Variants in ACO2 observed in about 807,000 individuals in gnomAD.
ACO2 encodes the protein aconitase 2.
In ACO2, 31 loss-of-function variants were observed where a neutral mutation model predicts 84.5. That is an observed-to-expected ratio of 0.37 (90% confidence interval 0.28 to 0.50). The LOEUF (loss-of-function observed/expected upper bound fraction) is 0.50. Among genes scored for constraint, ACO2 ranks in the 20% least tolerant of loss-of-function variants. ACO2 has a pLI of 0.97. For synonymous variants in ACO2, 414 were observed against 412.7 expected (o/e 1.00, Z -0.04); for missense variants, 685 against 1,029.3 (o/e 0.67, Z 4.58).
rs749152984 is a variant in ACO2 at position 41,516,960 on chromosome 22, C to A, written c.836-567C>A. On this transcript the variant is annotated intron_variant, in intron 6 of 17. Transcript: ENST00000216254. The stretch of plus-strand genomic sequence containing the variant: ...GGCCAGGCTGGTCTCAAACTCCTGA[C>A]CTCAGGTGATCCACCCACCTCGGCC... Among the ~76,000 whole-genome samples the A allele has an allele frequency of 1.8e-4, 27 of 152,018 alleles. No individual in the cohort carries two copies. In the Middle Eastern group the frequency reaches 0.024, roughly 134 times the overall value.
At chr22:41,506,464 A>G (rs1299281626) in intron 2 of ACO2, among the ~76,000 whole-genome samples, 1 of 152,122 alleles carries the variant, frequency 6.6e-6, no homozygotes, top group African/African-American at 2.4e-5. Context: ...CATGTTAGCC[A>G]GGATGGTCTC....
At chr22:41,474,691 C>T (rs1312281477) in intron 1 of ACO2, among the ~76,000 whole-genome samples, 8 of 138,644 alleles carry the variant, frequency 5.8e-5, no homozygotes, top group South Asian at 2.3e-4. Flanking sequence ...CTCCGCCTCC[C>T]AGGTTCACGC....
At chr22:41,500,029 T>C (rs761699457) in intron 2 of ACO2, among the ~76,000 whole-genome samples, 167 bp downstream of exon 2, 2 of 152,130 alleles carry the variant, frequency 1.3e-5, no homozygotes, top group African/African-American at 4.8e-5. Context: ...AGATCAGTGG[T>C]GTAACTTCTG....
chr22:41,503,227 G>T (rs1229948618), intron 2 of ACO2, among the ~76,000 whole-genome samples: 2 of 150,994 alleles, frequency 1.3e-5, no homozygotes, highest in African/African-American at 4.9e-5. Context: ...TTCCAACCTT[G>T]CTTTGCAACC....
At chr22:41,507,129 G>T (rs2066399400) in intron 2 of ACO2, among the ~76,000 whole-genome samples, 1 of 152,138 alleles carries the variant, frequency 6.6e-6, no homozygotes, top group Non-Finnish European at 1.5e-5. Context: ...GAGGAGCTGT[G>T]AGAGGCCAGT....
At chr22:41,504,606 G>T (rs1320795954) in intron 2 of ACO2, among the ~76,000 whole-genome samples, 1 of 151,478 alleles carries the variant, frequency 6.6e-6, no homozygotes, top group East Asian at 1.9e-4. Context: ...CGGTGCTGCC[G>T]CAATCGGCGC....
intron 3 of ACO2, among the ~76,000 whole-genome samples, chr22:41,510,753 G>T (rs2066427560): frequency 6.6e-6 from 1 of 152,204 alleles, no homozygotes; most frequent in Admixed American, 6.5e-5. Context: ...CTGCTGTGCA[G>T]TGGGCCCTTC....
At chr22:41,514,236 G>T (rs1204417165) in intron 4 of ACO2, among the ~76,000 whole-genome samples, 1 of 152,174 alleles carries the variant, frequency 6.6e-6, no homozygotes, top group Non-Finnish European at 1.5e-5. Context: ...CACAGAGCCT[G>T]TCACACCTCT....
intron 3 of ACO2, among the ~76,000 whole-genome samples, chr22:41,509,833 T>G (rs1363731974): frequency 6.7e-6 from 1 of 149,258 alleles, no homozygotes; most frequent in Non-Finnish European, 1.5e-5. Flanking sequence ...TTTTTTTTTT[T>G]TTGAGACAGA....
intron 6 of ACO2, chr22:41,516,225 A>C (rs1391833420): frequency 3.4e-6 from 2 of 593,222 alleles, no homozygotes; most frequent in Non-Finnish European, 6.0e-6. Flanking sequence ...GCACTAGGCC[A>C]CCTTGGGTGA....
At chr22:41,499,677 A>T (rs2066339751) in intron 1 of ACO2, 49 bp from the exon 2 acceptor site, 4 of 1,586,258 alleles carry the variant, frequency 2.5e-6, no homozygotes, top group Non-Finnish European at 3.4e-6. Flanking sequence ...TCGGGGATGG[A>T]CTCTCCTAAG....
In ACO2 at chr22:41,515,577, G is replaced by A; in HGVS notation, c.684+42G>A. On this transcript the variant is annotated intron_variant, in intron 5 of 17. Coordinates refer to ENST00000216254, the MANE Select transcript of ACO2 (RefSeq NM_001098.3). The surrounding 1 kb of genome is among the most constrained non-coding windows in gnomAD (Gnocchi z 5.8). ...ACTCATTCTGGGCTGGCTGTGGGGT[G>A]GTGGTTGGTGGGGATGAACGGGAGA... 1 of 1,585,810 alleles carries A rather than the reference G, an allele frequency of 6.3e-7. No individual in the cohort carries two copies.
At chr22:41,485,517 T>C (rs1446363845) in intron 1 of ACO2, among the ~76,000 whole-genome samples, 3 of 145,254 alleles carry the variant, frequency 2.1e-5, no homozygotes, top group African/African-American at 7.7e-5. Flanking sequence ...CTCGGCTCAC[T>C]GCAGGCTCCA....
At chr22:41,469,923 C>A (rs1164732857) in intron 1 of ACO2, among the ~76,000 whole-genome samples, 15 of 152,098 alleles carry the variant, frequency 9.9e-5, no homozygotes. Context: ...AAGCATGGGC[C>A]CTACCACCAC....
intron 1 of ACO2, among the ~76,000 whole-genome samples, chr22:41,493,256 A>T (rs903739116): frequency 2.0e-5 from 3 of 152,166 alleles, no homozygotes; most frequent in African/African-American, 4.8e-5. Context: ...GCCAACACAT[A>T]AACTTTGGGG....
intron 1 of ACO2, among the ~76,000 whole-genome samples, chr22:41,475,665 T>C (rs9623407): frequency 0.055 from 8,196 of 150,206 alleles, 674 homozygotes; most frequent in African/African-American, 0.18. Flanking sequence ...GAGGCTGAGG[T>C]GGGTGGATCA....
intron 2 of ACO2, among the ~76,000 whole-genome samples, chr22:41,500,291 T>TTTTAA (rs1467276114): frequency 2.3e-4 from 34 of 150,268 alleles, no homozygotes; most frequent in South Asian, 6.3e-4. Flanking sequence ...GATGGGACCT[T>TTTTAA]TTTAATTTAA....
At chr22:41,528,285 C>A in intron 17 of ACO2, 194 bp from the exon 18 acceptor site, 1 of 879,076 alleles carries the variant, frequency 1.1e-6, no homozygotes, top group Non-Finnish European at 1.7e-6. Flanking sequence ...ACTGCAGGAC[C>A]CTCTGGGCCC....
Position 41,527,177 on chromosome 22 carries a change from G to C in ACO2, c.1954-111G>C. ...AAGGGCCCCTCCAGCCCCTTTACCG[G>C]GAGCCTCAGGATGCCCAGGCGCCAG... is the stretch of plus-strand genomic sequence containing the variant. On this transcript the variant is annotated intron_variant, in intron 15 of 17. Coordinates refer to ENST00000216254, the MANE Select transcript of ACO2 (RefSeq NM_001098.3). 3 of 1,531,686 alleles carry C rather than the reference G, an allele frequency of 2.0e-6. 1 individual carries two copies. In the South Asian group the frequency reaches 3.5e-5, roughly 18 times the overall value. The allele number at this position is 1,531,686 out of a possible 1,614,324, so 94.9% of individuals were successfully genotyped here.
Sources: allele counts gnomAD v4.1 joint callset (sites outside exome capture counted in the v4.1 genomes callset), GRCh38; gene constraint gnomAD v4.1.1; non-coding constraint Gnocchi (gnomAD v3.1); transcripts MANE v1.5; gene names NCBI Gene and HGNC (gene_info 2026-07-23, HGNC 2026-07-21).